TAFA4: variants seen among roughly 807,000 people sequenced by gnomAD.
TAFA4 encodes chemokine-like protein TAFA-4.
TAFA4 carries 20 observed loss-of-function variants against 21.1 expected under a neutral mutation model. The ratio of observed to expected loss-of-function variants is 0.95; its 90% CI spans 0.67 to 1.38. The LOEUF is 1.38. Ranked by LOEUF, TAFA4 falls within the 40% of genes most tolerant of loss-of-function variation. The pLI is 0.00. For missense variants in TAFA4, 211 were observed against 180.9 expected (o/e 1.17, Z -0.95); for synonymous variants, 71 against 67.4 (o/e 1.05, Z -0.26).
chr3:68,827,339 G>A (rs570881711), intron 3 of TAFA4, among the ~76,000 whole-genome samples: 90 of 152,168 alleles, frequency 5.9e-4, no homozygotes, highest in Middle Eastern at 3.4e-3. Flanking sequence ...AGTGCCACAA[G>A]AAACATATGT....
At chr3:68,858,899 A>G (rs144564437) in intron 3 of TAFA4, among the ~76,000 whole-genome samples, 1 of 152,046 alleles carries the variant, frequency 6.6e-6, no homozygotes, top group East Asian at 1.9e-4. Flanking sequence ...CAAAGTTCTC[A>G]AATTCACTTG....
rs1018148281 is a variant in TAFA4 at position 68,897,638 on chromosome 3, AT to A, written c.-122-12329del. ...CGAAACTCCATCTCAAAAAAAAAAA[AT>A]ATTTATTTTTCCCTTTATCTCTCAT... On this transcript the variant is annotated intron_variant, in intron 1 of 5. Transcript: ENST00000295569. Among the ~76,000 whole-genome samples the A allele has an allele frequency of 1.8e-4, 18 of 98,260 alleles. No individual in the cohort carries two copies. The East Asian group carries it at 3.6e-3, about 19-fold the overall frequency. The allele number at this position is 98,260 out of a possible 152,430, so 64.5% of individuals were successfully genotyped here.
chr3:68,747,245 TTCTC>T (rs138372647), intron 4 of TAFA4, among the ~76,000 whole-genome samples: 8 of 151,082 alleles, frequency 5.3e-5, no homozygotes, highest in South Asian at 4.2e-4. Flanking sequence ...CTTGTGAGTT[TTCTC>T]TCTCTCTCTC....
At chr3:68,825,497 G>C (rs1412979797) in intron 3 of TAFA4, among the ~76,000 whole-genome samples, 1 of 152,186 alleles carries the variant, frequency 6.6e-6, no homozygotes, top group African/African-American at 2.4e-5. Flanking sequence ...CAAAAGCAAA[G>C]TAACAGTTTC....
At chr3:68,749,485 T>C (rs1050125402) in intron 4 of TAFA4, among the ~76,000 whole-genome samples, 3 of 152,152 alleles carry the variant, frequency 2.0e-5, no homozygotes, top group African/African-American at 4.8e-5. Context: ...AATTAGGGCA[T>C]GATACTGCAT....
At chr3:68,805,325 G>T (rs1001525966) in intron 3 of TAFA4, among the ~76,000 whole-genome samples, 3 of 152,174 alleles carry the variant, frequency 2.0e-5, no homozygotes, top group African/African-American at 7.2e-5. Flanking sequence ...AGAGGATGTG[G>T]AGAAATAGGA....
chr3:68,814,620 C>T (rs956294846), intron 3 of TAFA4, among the ~76,000 whole-genome samples: 3 of 152,128 alleles, frequency 2.0e-5, no homozygotes, highest in Admixed American at 6.5e-5. Context: ...TGTGAAGGAC[C>T]TCTTCAAGGA....
chr3:68,751,564 T>C (rs948580953), intron 4 of TAFA4, among the ~76,000 whole-genome samples: 3 of 152,198 alleles, frequency 2.0e-5, no homozygotes, highest in Non-Finnish European at 2.9e-5. Context: ...AATGCCATTT[T>C]TTAAATGTTA....
chr3:68,804,117 T>C (rs1703634340), intron 3 of TAFA4, among the ~76,000 whole-genome samples: 1 of 152,056 alleles, frequency 6.6e-6, no homozygotes, highest in African/African-American at 2.4e-5. Context: ...AATTAAACCA[T>C]AGTAAGAAAC....
chr3:68,792,357 A>G (rs1703377969), intron 3 of TAFA4, among the ~76,000 whole-genome samples: 1 of 152,170 alleles, frequency 6.6e-6, no homozygotes, highest in Non-Finnish European at 1.5e-5. Flanking sequence ...CAATGAGTCA[A>G]TGAAAATTTT....
intron 5 of TAFA4, among the ~76,000 whole-genome samples, chr3:68,733,822 A>C (rs1234731854): frequency 6.6e-6 from 1 of 152,192 alleles, no homozygotes; most frequent in East Asian, 1.9e-4. Flanking sequence ...TATAGTCACC[A>C]TACCCAGGCT....
At chr3:68,925,924 C>A (rs560787703) in intron 1 of TAFA4, among the ~76,000 whole-genome samples, 1 of 152,172 alleles carries the variant, frequency 6.6e-6, no homozygotes, top group East Asian at 1.9e-4. Context: ...ATGTATGAAC[C>A]CCGTTATTCA....
intron 3 of TAFA4, among the ~76,000 whole-genome samples, chr3:68,777,961 A>G (rs1053616832): frequency 2.0e-5 from 3 of 152,166 alleles, no homozygotes; most frequent in South Asian, 2.1e-4. Context: ...ATATGTGCAC[A>G]ATGACAACAT....
intron 3 of TAFA4, among the ~76,000 whole-genome samples, chr3:68,802,191 A>T (rs1455366610): frequency 1.3e-5 from 2 of 152,210 alleles, no homozygotes; most frequent in Non-Finnish European, 2.9e-5. Flanking sequence ...TAACTTTCAT[A>T]TGCAGTTTTG....
intron 3 of TAFA4, among the ~76,000 whole-genome samples, chr3:68,770,749 T>C (rs879914866): frequency 6.6e-6 from 1 of 152,194 alleles, no homozygotes. Flanking sequence ...AACCCATCTC[T>C]TACTGATACA....
At chr3:68,783,166 C>CA (rs1192398167) in intron 3 of TAFA4, among the ~76,000 whole-genome samples, 2 of 152,132 alleles carry the variant, frequency 1.3e-5, no homozygotes, top group African/African-American at 4.8e-5. Flanking sequence ...AAACCTATAG[C>CA]AAACATACAC....
chr3:68,789,053 G>A (rs1452125223), intron 3 of TAFA4, among the ~76,000 whole-genome samples: 2 of 152,074 alleles, frequency 1.3e-5, no homozygotes, highest in African/African-American at 2.4e-5. Flanking sequence ...CTAACATGGT[G>A]AGACCCCGTC....
intron 1 of TAFA4, among the ~76,000 whole-genome samples, chr3:68,892,785 G>A (rs1403275239): frequency 6.6e-6 from 1 of 152,140 alleles, no homozygotes; most frequent in South Asian, 2.1e-4. Context: ...CACGCATTTC[G>A]TTAATGAAGA....
chr3:68,875,003 G>A (rs1323925895), intron 3 of TAFA4, among the ~76,000 whole-genome samples: 3 of 152,104 alleles, frequency 2.0e-5, no homozygotes, highest in Non-Finnish European at 4.4e-5. Context: ...GGGGTACAAC[G>A]GAGGCTAGTG....
Sources: allele counts gnomAD v4.1 joint callset (sites outside exome capture counted in the v4.1 genomes callset), GRCh38; gene constraint gnomAD v4.1.1; transcripts MANE v1.5; gene names NCBI Gene and HGNC (gene_info 2026-07-23, HGNC 2026-07-21).